SETX: variants seen among roughly 807,000 people sequenced by gnomAD.
The protein encoded by SETX is helicase senataxin.
A neutral mutation model predicts 227.2 loss-of-function variants in SETX; 90 were observed. The observed-to-expected ratio is 0.40, with a 90% CI of 0.33 to 0.47. The LOEUF is 0.47. Among genes scored for constraint, SETX ranks in the 20% least tolerant of loss-of-function variants. SETX has a pLI of 0.91. For missense variants in SETX, 3,052 were observed against 3,181.5 expected, an observed-to-expected ratio of 0.96 and a Z score of 0.98; for synonymous variants, 1,210 against 1,113.2, an observed-to-expected ratio of 1.09 and a Z score of -1.73.
intron 4 of SETX, among the ~76,000 whole-genome samples, chr9:132,345,954 G>C (rs534127954): frequency 2.0e-5 from 3 of 152,306 alleles, no homozygotes; most frequent in Admixed American, 6.5e-5. Flanking sequence ...AGGAGGTAGA[G>C]GCTGCAGTGG....
chr9:132,304,888 T>C (rs1402848843), intron 11 of SETX, among the ~76,000 whole-genome samples: 1 of 151,704 alleles, frequency 6.6e-6, no homozygotes, highest in African/African-American at 2.4e-5. Flanking sequence ...TCCCAGCTGC[T>C]TGGGAGGCTG....
intron 2 of SETX, among the ~76,000 whole-genome samples, chr9:132,350,754 A>G (rs184266224): frequency 2.0e-5 from 3 of 152,344 alleles, no homozygotes; most frequent in African/African-American, 4.8e-5. Context: ...ATTAAAGTAC[A>G]TACACACAAA....
rs549933378 is a variant in SETX at position 132,273,255 on chromosome 9, C to T, written c.7101-1447G>A. Among the ~76,000 whole-genome samples, 5 of 152,208 alleles carry T rather than the reference C, an allele frequency of 3.3e-5. No homozygotes were observed. In the South Asian group the frequency reaches 6.2e-4, roughly 19 times the overall value. On this transcript the variant is annotated intron_variant, in intron 23 of 25. Transcript: ENST00000224140. ...TCAGCTCACTGCAACCTCTGCTTCC[C>T]GGGTTCAAGTGATTCTCCTGCCTCA...
At chr9:132,269,899 A>T (rs1386151460) in intron 24 of SETX, among the ~76,000 whole-genome samples, 197 bp from the exon 25 acceptor site, 2 of 132,660 alleles carry the variant, frequency 1.5e-5, no homozygotes, top group Non-Finnish European at 3.1e-5. Context: ...GGATTCTAGA[A>T]TGACTCAGCA....
rs1029801517 is a variant in SETX, at chr9:132,329,704, T to C, written c.1894A>G (p.Arg632Gly). The change falls in exon 10 of 26, where the codon AGA (arginine) becomes GGA (glycine). Residue 632 changes from arginine to glycine, a missense_variant. Transcript: ENST00000224140. ...EESEQMGKTS[R>G]KDMHCLEASS... ...GCTTCCAAACAATGCATATCTTTTC[T>C]AGACGTCTTCCCCATTTGTTCACTT... 1.1e-5 allele frequency: 17 copies of C among 1,614,032 alleles called. 1 individual carries two copies. The highest frequency in any genetic ancestry group is 2.2e-5 in the South Asian group (2 of 91,084).
At chr9:132,304,656 GA>G (rs1307417340) in intron 11 of SETX, among the ~76,000 whole-genome samples, 1 of 149,896 alleles carries the variant, frequency 6.7e-6, no homozygotes, top group Non-Finnish European at 1.5e-5. Flanking sequence ...AAGAAAGAAA[GA>G]AAAGAAAAAG....
chr9:132,299,144 A>G (rs1274768655), intron 12 of SETX, among the ~76,000 whole-genome samples: 2 of 152,202 alleles, frequency 1.3e-5, no homozygotes, highest in African/African-American at 4.8e-5. Context: ...ATTAGAAGTG[A>G]GGTGTGAGAG....
intron 11 of SETX, among the ~76,000 whole-genome samples, chr9:132,304,107 A>G (rs998712133): frequency 3.9e-5 from 6 of 152,208 alleles, no homozygotes; most frequent in African/African-American, 1.4e-4. Context: ...CTCCGTCTCA[A>G]AAAAAGAGAG....
At position 132,326,315 on chromosome 9, in the gene SETX, C is replaced by T; in HGVS notation, c.5274+9G>A. The T allele has an allele frequency of 6.4e-7, 1 of 1,563,458 alleles. No homozygotes were observed. The highest frequency in any genetic ancestry group is 8.8e-7 in the Non-Finnish European group (1 of 1,136,980). On this transcript the variant is annotated intron_variant, in intron 10 of 25. Coordinates refer to ENST00000224140, the MANE Select transcript of SETX (RefSeq NM_015046.7). ...TTTGGAGAGGCATACAAATGAAACA[C>T]ATACTTACTGTTTCAAAAGTATTCA...
rs1157552325 is a variant in SETX at position 132,283,604 on chromosome 9, G to A, written c.6397-191C>T. On this transcript the variant is annotated intron_variant, in intron 18 of 25. Transcript: ENST00000224140. ...ATTTAAGATAATCACAAAGCAGAAAGAATGTGTGCTTCGCGGCTGAAACAC... is the reference window on the plus strand; with the variant it reads ...ATTTAAGATAATCACAAAGCAGAAAAAATGTGTGCTTCGCGGCTGAAACAC... Among the ~76,000 whole-genome samples the A allele has an allele frequency of 3.3e-5, 5 of 152,340 alleles. No individual in the cohort carries two copies. In the East Asian group the frequency reaches 5.8e-4, roughly 18 times the overall value.
chr9:132,261,887 C>G lies in SETX; in HGVS notation c.*2352G>C, dbSNP rs1350497644. The G allele has an allele frequency of 5.2e-5, 8 of 154,428 alleles. No individual in the cohort carries two copies. In the Admixed American group the frequency reaches 5.2e-4, roughly 10 times the overall value. 9.6% of individuals were successfully genotyped at this position (154,428 alleles called of 1,614,324 possible). ...TTTTAATGCCATGGCAAAGACGAAGCGAAGAGCCACACTTCACACCTTGTA... is the reference window on the plus strand; with the variant it reads ...TTTTAATGCCATGGCAAAGACGAAGGGAAGAGCCACACTTCACACCTTGTA... On this transcript the variant is annotated 3_prime_UTR_variant, in exon 26 of 26. Transcript: ENST00000224140.
chr9:132,340,171 C>G (rs185352817), intron 5 of SETX, among the ~76,000 whole-genome samples: 1 of 152,112 alleles, frequency 6.6e-6, no homozygotes, highest in African/African-American at 2.4e-5. Context: ...TTCAATGTTA[C>G]AACAACTTGG....
chr9:132,346,489 G>C lies in SETX; in HGVS notation c.178-18C>G. On this transcript the variant is annotated intron_variant, in intron 3 of 25. Transcript: ENST00000224140. Reference sequence around the variant, plus strand: ...CATAAAACCTAGAGGAAAATAAAATGGGCAGTGTGCGTTATGTCTTATCAT... The same window carrying C: ...CATAAAACCTAGAGGAAAATAAAATCGGCAGTGTGCGTTATGTCTTATCAT... 9.0e-6 allele frequency: 14 copies of C among 1,554,956 alleles called. No individual in the cohort carries two copies. The highest frequency in any genetic ancestry group is 1.2e-5 in the Non-Finnish European group (14 of 1,131,966).
chr9:132,354,443 C>T (rs371098102), intron 1 of SETX, among the ~76,000 whole-genome samples: 5 of 149,312 alleles, frequency 3.3e-5, no homozygotes. Flanking sequence ...TTGCTGCGAG[C>T]CGTGACTGTT....
intron 11 of SETX, among the ~76,000 whole-genome samples, chr9:132,309,796 T>C (rs1462560608): frequency 7.2e-5 from 11 of 151,836 alleles, no homozygotes; most frequent in Non-Finnish European, 1.5e-4. Flanking sequence ...TTCTAGAAGG[T>C]AAGAGAGATC....
At chr9:132,269,819 G>A in intron 24 of SETX, 117 bp from the exon 25 acceptor site, 2 of 1,033,056 alleles carry the variant, frequency 1.9e-6, no homozygotes, top group Non-Finnish European at 3.0e-6. Context: ...GTGGAATCTT[G>A]AATGACTCAG....
In SETX at chr9:132,272,103, C is replaced by T. The variant is rs1842933370; in HGVS notation, c.7101-295G>A. Among the ~76,000 whole-genome samples, 4 of 151,998 alleles carry T rather than the reference C, an allele frequency of 2.6e-5. 1 individual carries two copies. In the South Asian group the frequency reaches 8.3e-4, roughly 31 times the overall value. On this transcript the variant is annotated intron_variant, in intron 23 of 25. Transcript: ENST00000224140. ...TTCACTGTGGTCTCCATCTCCTGAC[C>T]TCATGATCCGCCCGCCTCGGCCTCC...
At position 132,327,360 on chromosome 9, in the gene SETX, A is replaced by G. The variant is rs1364678473; in HGVS notation, c.4238T>C (p.Leu1413Ser). 6.2e-7 allele frequency: 1 copy of G among 1,614,204 alleles called. No individual in the cohort carries two copies. ...EVLANSNRKQ[L>S]IKCMPSEPET... Reference sequence around the variant, plus strand: ...TGGTTCAGAAGGCATGCATTTTATTAACTGTTTTCTGTTACTGTTGGCAAG... The same window carrying G: ...TGGTTCAGAAGGCATGCATTTTATTGACTGTTTTCTGTTACTGTTGGCAAG... Residue 1413 changes from leucine (L) to serine (S), a missense_variant, in exon 10 of 26, where the codon TTA (leucine) becomes TCA (serine). Coordinates refer to ENST00000224140, the MANE Select transcript of SETX (RefSeq NM_015046.7).
In SETX at chr9:132,328,736, C is replaced by T. The variant is rs149610510; in HGVS notation, c.2862G>A (p.Thr954=). The T allele has an allele frequency of 3.8e-5, 61 of 1,613,166 alleles. No homozygotes were observed. Among genetic ancestry groups the T allele is most frequent in the Non-Finnish European group, 5.0e-5 (59 of 1,179,674 alleles). ...PDISPKSDTL[T]DSQIDRDLHK... Reference sequence around the variant, plus strand: ...GAAGGTCTCTGTCTATCTGAGAATCCGTTAAGGTGTCAGATTTAGGACTGA... The same window carrying T: ...GAAGGTCTCTGTCTATCTGAGAATCTGTTAAGGTGTCAGATTTAGGACTGA... The change falls in exon 10 of 26, where the codon ACG becomes ACA. Residue 954 remains threonine (T), a synonymous_variant. Coordinates refer to ENST00000224140, the MANE Select transcript of SETX (RefSeq NM_015046.7).
Sources: gnomAD v4.1 joint callset for allele counts (sites outside exome capture counted in the v4.1 genomes callset) on GRCh38, gnomAD v4.1.1 for gene constraint, MANE v1.5 for transcripts, NCBI Gene and HGNC (gene_info 2026-07-23, HGNC 2026-07-21) for gene names.